RTN4RL1: variants seen among roughly 807,000 people sequenced by gnomAD.
The protein encoded by RTN4RL1 is reticulon 4 receptor like 1, also known as reticulon-4 receptor-like 1.
In RTN4RL1, 7 loss-of-function variants were observed where a neutral mutation model predicts 25.6. The observed-to-expected ratio is 0.27, with a 90% CI of 0.16 to 0.51. RTN4RL1 has a LOEUF of 0.51. Among genes scored for constraint, RTN4RL1 ranks in the 20% least tolerant of loss-of-function variants. RTN4RL1 has a pLI of 0.97. For missense variants in RTN4RL1, 500 were observed against 615.6 expected (o/e 0.81, Z 1.99); for synonymous variants, 297 against 288.2 (o/e 1.03, Z -0.31).
chr17:1,977,880 T>TGCATCCTGCACCCCGCATCCC (rs1374378056), intron 1 of RTN4RL1, among the ~76,000 whole-genome samples: 3 of 151,618 alleles, frequency 2.0e-5, no homozygotes, highest in Non-Finnish European at 4.4e-5. Context: ...GGGCGCATCC[T>TGCATCCTGCACCCCGCATCCC]GCATCCTGCA....
intron 1 of RTN4RL1, among the ~76,000 whole-genome samples, chr17:1,948,603 A>G (rs1324595924): frequency 6.6e-6 from 1 of 152,054 alleles, no homozygotes; most frequent in East Asian, 1.9e-4. Context: ...ACGGGCAGAC[A>G]CAGGTGGACG....
At chr17:2,002,612 C>G (rs1567522059) in intron 1 of RTN4RL1, among the ~76,000 whole-genome samples, 2 of 151,496 alleles carry the variant, frequency 1.3e-5, no homozygotes, top group Non-Finnish European at 2.9e-5. Context: ...TATTTCCTCT[C>G]TCTGTCTCTT....
chr17:1,999,266 T>C (rs540297131), intron 1 of RTN4RL1, among the ~76,000 whole-genome samples: 8 of 151,246 alleles, frequency 5.3e-5, no homozygotes, highest in Non-Finnish European at 1.0e-4. Flanking sequence ...GCCAACATGG[T>C]GAAACCCCGT....
At chr17:1,997,860 C>T (rs747019744) in intron 1 of RTN4RL1, among the ~76,000 whole-genome samples, 1 of 152,198 alleles carries the variant, frequency 6.6e-6, no homozygotes, top group Non-Finnish European at 1.5e-5. Context: ...AGACCCCCGA[C>T]CCCAGCTGAC....
chr17:2,015,320 G>A lies in RTN4RL1; in HGVS notation c.13+9533C>T, dbSNP rs2067106316. On this transcript the variant is annotated intron_variant, in intron 1 of 1. Transcript: ENST00000331238. ...AATTTCAGACACGCCGGGTTTGAGAGGCCTTTGAGGCCACCAATGAGGGCA... is the reference window on the plus strand; with the variant it reads ...AATTTCAGACACGCCGGGTTTGAGAAGCCTTTGAGGCCACCAATGAGGGCA... Among the ~76,000 whole-genome samples, 4 of 152,338 alleles carry A rather than the reference G, an allele frequency of 2.6e-5. No homozygotes were observed. In the South Asian group the frequency reaches 8.3e-4, roughly 32 times the overall value.
chr17:1,993,767 A>AAC (rs1451655257), intron 1 of RTN4RL1, among the ~76,000 whole-genome samples: 1 of 151,846 alleles, frequency 6.6e-6, no homozygotes, highest in Non-Finnish European at 1.5e-5. Flanking sequence ...TTAGGGTGCC[A>AAC]TCGCGTTTTG....
intron 1 of RTN4RL1, among the ~76,000 whole-genome samples, chr17:2,022,375 C>A (rs1390400794): frequency 6.6e-6 from 1 of 152,120 alleles, no homozygotes; most frequent in East Asian, 1.9e-4. Flanking sequence ...TGGCCTCGAA[C>A]TCCTGGTCTC....
At position 1,962,135 on chromosome 17, in the gene RTN4RL1, T is replaced by C. The variant is rs75559369; in HGVS notation, c.14-24327A>G. 2.1e-5 allele frequency among the ~76,000 whole-genome samples: 3 copies of C among 141,268 alleles called. No individual in the cohort carries two copies. The East Asian group carries it at 6.2e-4, about 29-fold the overall frequency. The allele number at this position is 141,268 out of a possible 152,430, so 92.7% of individuals were successfully genotyped here. On this transcript the variant is annotated intron_variant, in intron 1 of 1. Transcript: ENST00000331238. ...TATCTCTTAAAAAAAAAAAAAAAAT[T>C]AGCCAGGCGTGGCACGTGCATGCAG...
intron 1 of RTN4RL1, among the ~76,000 whole-genome samples, chr17:1,970,056 C>G (rs1049965708): frequency 6.2e-5 from 9 of 145,038 alleles, no homozygotes; most frequent in Admixed American, 2.1e-4. Context: ...GAGTTTCACT[C>G]TGTCGTCTAG....
chr17:1,943,004 G>A (rs754777277), intron 1 of RTN4RL1, among the ~76,000 whole-genome samples: 1 of 152,196 alleles, frequency 6.6e-6, no homozygotes, highest in African/African-American at 2.4e-5. Flanking sequence ...GGCCAGAGAT[G>A]TCCCCAGTGG....
intron 1 of RTN4RL1, chr17:2,023,695 A>G (rs1049886246): frequency 3.9e-5 from 1 of 25,496 alleles, no homozygotes. Context: ...CCCCCCCTCC[A>G]CCCCCTCCCC....
At chr17:1,964,142 T>A (rs989510379) in intron 1 of RTN4RL1, among the ~76,000 whole-genome samples, 1 of 152,194 alleles carries the variant, frequency 6.6e-6, no homozygotes, top group African/African-American at 2.4e-5. Context: ...TCCAGCATAG[T>A]AGCTGCTACG....
intron 1 of RTN4RL1, among the ~76,000 whole-genome samples, chr17:2,013,557 C>A (rs1035622657): frequency 6.6e-6 from 1 of 151,648 alleles, no homozygotes; most frequent in Non-Finnish European, 1.5e-5. Flanking sequence ...CATAAATACC[C>A]CTGCTCCCTC....
chr17:1,981,740 G>A (rs1278149471), intron 1 of RTN4RL1, among the ~76,000 whole-genome samples: 3 of 152,330 alleles, frequency 2.0e-5, no homozygotes, highest in East Asian at 3.9e-4. Flanking sequence ...GGAAGCTCTA[G>A]AACCCACAGT....
Position 1,936,815 on chromosome 17 carries a change from G to A in RTN4RL1, c.1007C>T (p.Thr336Ile). 6.3e-7 allele frequency: 1 copy of A among 1,579,768 alleles called. No homozygotes were observed. The highest frequency in any genetic ancestry group is 8.6e-7 in the Non-Finnish European group (1 of 1,165,038). Reference protein sequence around the residue: ...RKEHHSPHGPTRSKGHPHGPR... With the variant: ...RKEHHSPHGPIRSKGHPHGPR... ...GCCGTGCGGGTGGCCCTTGCTCCTG[G>A]TGGGGCCGTGGGGTGAGTGGTGTTC... is the stretch of plus-strand genomic sequence containing the variant. Residue 336 changes from threonine to isoleucine, a missense_variant, in exon 2 of 2, where the codon ACC becomes ATC. By Grantham distance (89) the Thr-to-Ile change is moderately conservative. This residue lies in a region of RTN4RL1 where 268 missense variants were observed against 274.5 expected (regional missense o/e 0.98). Transcript: ENST00000331238.
At chr17:1,996,556 T>G (rs2066930242) in intron 1 of RTN4RL1, among the ~76,000 whole-genome samples, 1 of 152,156 alleles carries the variant, frequency 6.6e-6, no homozygotes, top group African/African-American at 2.4e-5. Context: ...TTATCAGCCT[T>G]GCTTTTCACA....
At chr17:1,986,980 G>T (rs1373256140) in intron 1 of RTN4RL1, among the ~76,000 whole-genome samples, 1 of 152,188 alleles carries the variant, frequency 6.6e-6, no homozygotes, top group Non-Finnish European at 1.5e-5. Context: ...TGAGGGGGCT[G>T]GACAAGATAA....
intron 1 of RTN4RL1, among the ~76,000 whole-genome samples, chr17:1,978,804 T>G (rs999232998): frequency 6.6e-6 from 1 of 152,046 alleles, no homozygotes; most frequent in Non-Finnish European, 1.5e-5. Context: ...CTGCAGAGAA[T>G]CCCAACACAG....
chr17:2,022,031 T>C (rs1330884114), intron 1 of RTN4RL1, among the ~76,000 whole-genome samples: 2 of 151,188 alleles, frequency 1.3e-5, no homozygotes, highest in East Asian at 4.0e-4. Flanking sequence ...TTTTAAAATT[T>C]TGGCCGGGTG....
Sources: gnomAD v4.1 joint callset for allele counts (sites outside exome capture counted in the v4.1 genomes callset) on GRCh38, gnomAD v4.1.1 for gene constraint, gnomAD v4.1.1 regional missense constraint, MANE v1.5 for transcripts, NCBI Gene and HGNC (gene_info 2026-07-23, HGNC 2026-07-21) for gene names.